TASL: variants seen among roughly 807,000 people sequenced by gnomAD.
TASL encodes TLR adapter interacting with SLC15A4 on the lysosome.
Under a neutral mutation model 12.9 loss-of-function variants are expected in TASL, and 6 were observed. The observed-to-expected ratio is 0.46, with a 90% CI of 0.25 to 0.92. TASL has a LOEUF of 0.92. Ranked by LOEUF, TASL falls within the 40% of genes least tolerant of loss-of-function variation. TASL has a pLI of 0.17. For missense variants in TASL, 165 were observed against 212.8 expected (o/e 0.78, Z 1.40); for synonymous variants, 85 against 79.3 (o/e 1.07, Z -0.38).
At chrX:30,570,118 C>G (rs895006170) in intron 2 of TASL, among the ~76,000 whole-genome samples, 1 of 110,156 alleles carries the variant, frequency 9.1e-6, no homozygotes, top group African/African-American at 3.3e-5. Context: ...TGTATGTTAC[C>G]TAGAACATCT....
At chrX:30,560,986 C>T (rs1749161272) in intron 2 of TASL, among the ~76,000 whole-genome samples, 1 of 111,448 alleles carries the variant, frequency 9.0e-6, no homozygotes, top group Admixed American at 9.5e-5. Context: ...GGATTATGAG[C>T]AAAACAATGA....
chrX:30,575,524 C>T (rs564583890), intron 2 of TASL, among the ~76,000 whole-genome samples: 1 of 111,396 alleles, frequency 9.0e-6, no homozygotes, highest in African/African-American at 3.3e-5. Context: ...TTGATGAATG[C>T]TCTAAAATAT....
At chrX:30,561,169 A>G (rs1311835053) in intron 2 of TASL, among the ~76,000 whole-genome samples, 1 of 112,102 alleles carries the variant, frequency 8.9e-6, no homozygotes, top group African/African-American at 3.2e-5. Context: ...ATTTGTGCTC[A>G]ACACATCATG....
intron 2 of TASL, among the ~76,000 whole-genome samples, chrX:30,564,501 GA>G (rs1288324920): frequency 9.1e-6 from 1 of 110,189 alleles, no homozygotes; most frequent in Non-Finnish European, 1.9e-5. Context: ...CTTCCAGAAT[GA>G]AAAAAAGAGT....
At chrX:30,575,140 A>G (rs1930688023) in intron 2 of TASL, among the ~76,000 whole-genome samples, 1 of 111,591 alleles carries the variant, frequency 9.0e-6, no homozygotes, top group Non-Finnish European at 1.9e-5. Flanking sequence ...TTACCTCTAT[A>G]TTATATTACC....
rs1182340486 is a variant in TASL, at chrX:30,576,748, C to G, written c.-2+4G>C. On this transcript the variant is annotated splice_donor_region_variant and intron_variant, in intron 2 of 2. Coordinates refer to ENST00000378962, the MANE Select transcript of TASL (RefSeq NM_025159.3). ...GCTCTGAGATAATAGAATTAGTGTACTACCTTTGAATATCTCCAAAATTCC... is the reference window on the plus strand; with the variant it reads ...GCTCTGAGATAATAGAATTAGTGTAGTACCTTTGAATATCTCCAAAATTCC... The G allele has an allele frequency of 9.0e-6, 1 of 111,591 alleles. No individual in the cohort carries two copies. The highest frequency in any genetic ancestry group is 1.9e-5 in the Non-Finnish European group (1 of 53,136). 9.2% of individuals were successfully genotyped at this position (111,591 alleles called of 1,213,427 possible). A position where few individuals can be genotyped will look rare whatever the true frequency, so the allele number is the denominator to read the frequency against.
chrX:30,563,793 G>C (rs1475019130), intron 2 of TASL, among the ~76,000 whole-genome samples: 2 of 112,061 alleles, frequency 1.8e-5, no homozygotes, highest in Non-Finnish European at 3.8e-5. Context: ...ATGCTAGCAA[G>C]AGGAGTATCC....
In TASL at chrX:30,559,211, G is replaced by C; in HGVS notation, c.*239C>G. ...TTCTTTTTTGATCATTTTTATTTTT[G>C]CTTCCTTGCTGTACACACCTCTCTT... On this transcript the variant is annotated 3_prime_UTR_variant, in exon 3 of 3. Coordinates refer to ENST00000378962, the MANE Select transcript of TASL (RefSeq NM_025159.3). 1 of 279,505 alleles carries C rather than the reference G, an allele frequency of 3.6e-6. No homozygotes were observed. Among genetic ancestry groups the C allele is most frequent in the Non-Finnish European group, 6.3e-6 (1 of 159,158 alleles). 23.0% of individuals were successfully genotyped at this position (279,505 alleles called of 1,213,427 possible).
chrX:30,570,234 TCTCA>T (rs1441622695), intron 2 of TASL, among the ~76,000 whole-genome samples: 235 of 64,182 alleles, frequency 3.7e-3, no homozygotes, highest in African/African-American at 0.016. Context: ...ATACTCTCTC[TCTCA>T]CACACACACA....
chrX:30,574,997 AT>A (rs1361343276), intron 2 of TASL, among the ~76,000 whole-genome samples: 2 of 110,090 alleles, frequency 1.8e-5, no homozygotes, highest in Admixed American at 9.7e-5. Context: ...TTAGCACATT[AT>A]TTTTTTTTAA....
At chrX:30,560,875 T>C (rs1930410281) in intron 2 of TASL, among the ~76,000 whole-genome samples, 1 of 110,639 alleles carries the variant, frequency 9.0e-6, no homozygotes, top group South Asian at 3.8e-4. Flanking sequence ...TGAAATTGGA[T>C]CGTGAAGAGC....
rs1569306113 is a variant in TASL, at chrX:30,571,278, G to GAAAGAAAGAA, written c.-2+5464_-2+5473dup. Among the ~76,000 whole-genome samples the GAAAGAAAGAA allele has an allele frequency of 1.6e-3, 116 of 74,614 alleles. 2 individuals are homozygous for GAAAGAAAGAA. The highest frequency in any genetic ancestry group is 5.7e-3 in the East Asian group (14 of 2,459). 64.8% of individuals were successfully genotyped at this position (74,614 alleles called of 115,157 possible). A position where few individuals can be genotyped will look rare whatever the true frequency, so the allele number is the denominator to read the frequency against. ...AAAGAGAAAGAAAGAAAGAAAGAAA[G>GAAAGAAAGAA]AAAGAAAGAAAGAAAGAAAGAAAGA... On this transcript the variant is annotated intron_variant, in intron 2 of 2. Transcript: ENST00000378962.
At chrX:30,572,265 G>A (rs756010699) in intron 2 of TASL, among the ~76,000 whole-genome samples, 24 of 112,148 alleles carry the variant, frequency 2.1e-4, no homozygotes, top group African/African-American at 7.4e-4. Context: ...TGCAATGTAA[G>A]TTCTCTTTCT....
intron 2 of TASL, among the ~76,000 whole-genome samples, chrX:30,572,459 GTTA>G (rs1426647178): frequency 8.9e-6 from 1 of 112,064 alleles, no homozygotes; most frequent in African/African-American, 3.2e-5. Flanking sequence ...TTAGCTCACA[GTTA>G]TTATTTTTGT....
At chrX:30,563,915 T>A (rs1335508848) in intron 2 of TASL, among the ~76,000 whole-genome samples, 3 of 111,595 alleles carry the variant, frequency 2.7e-5, no homozygotes, top group Admixed American at 1.9e-4. Context: ...GATCATCCTT[T>A]ATTTAAGCCC....
intron 2 of TASL, among the ~76,000 whole-genome samples, chrX:30,568,970 CAAAA>C (rs58377097): frequency 2.6e-5 from 2 of 76,300 alleles, no homozygotes; most frequent in Non-Finnish European, 2.5e-5. Context: ...ACGTCCCCAG[CAAAA>C]AAAAAAAAAA....
rs144290755 is a variant in TASL, at chrX:30,559,234, C to G, written c.*216G>C. On this transcript the variant is annotated 3_prime_UTR_variant, in exon 3 of 3. Transcript: ENST00000378962. Reference sequence around the variant, plus strand: ...TTGCTTCCTTGCTGTACACACCTCTCTTTGAAATCATTCCTTATGGCTCCT... The same window carrying G: ...TTGCTTCCTTGCTGTACACACCTCTGTTTGAAATCATTCCTTATGGCTCCT... The G allele has an allele frequency of 1.1e-3, 392 of 351,995 alleles. 3 individuals carry two copies. Among genetic ancestry groups the G allele is most frequent in the African/African-American group, 8.5e-3 (324 of 38,320 alleles). 29.0% of individuals were successfully genotyped at this position (351,995 alleles called of 1,213,427 possible). A position where few individuals can be genotyped will look rare whatever the true frequency, so the allele number is the denominator to read the frequency against.
chrX:30,573,356 A>G (rs1161510585), intron 2 of TASL, among the ~76,000 whole-genome samples: 1 of 112,543 alleles, frequency 8.9e-6, no homozygotes, highest in Non-Finnish European at 1.9e-5. Flanking sequence ...ATGTAGTAAC[A>G]ACAGCACTTG....
At chrX:30,562,794 C>T (rs1275365125) in intron 2 of TASL, among the ~76,000 whole-genome samples, 2 of 109,646 alleles carry the variant, frequency 1.8e-5, no homozygotes, top group Non-Finnish European at 3.8e-5. Flanking sequence ...TTGAAGAAAG[C>T]AAGGATCCCT....
Sources: gnomAD v4.1 joint callset for allele counts (sites outside exome capture counted in the v4.1 genomes callset) on GRCh38, gnomAD v4.1.1 for gene constraint, MANE v1.5 for transcripts, NCBI Gene and HGNC (gene_info 2026-07-23, HGNC 2026-07-21) for gene names.